The following CAMK2G variants were observed in gnomAD, a reference collection of about 807,000 sequenced individuals.
CAMK2G encodes calcium/calmodulin dependent protein kinase II gamma.
A neutral mutation model predicts 88.7 loss-of-function variants in CAMK2G; 23 were observed. The ratio of observed to expected loss-of-function variants is 0.26; its 90% CI spans 0.19 to 0.37. The LOEUF is 0.37. Among genes scored for constraint, CAMK2G ranks in the 10% least tolerant of loss-of-function variants. The pLI is 1.00. For synonymous variants in CAMK2G, 263 were observed against 294.8 expected (o/e 0.89, Z 1.11); for missense variants, 476 against 780.8 (o/e 0.61, Z 4.65).
Position 73,852,314 on chromosome 10 carries a change from G to A in CAMK2G, c.281C>T (p.Thr94Ile). The stretch of plus-strand genomic sequence containing the variant: ...AATGTCTTCAAACAGCTCCCCGCCG[G>A]TAACACTGCAACCAACGGGAAGAAG... ...GFHYLVFDLV[T>I]GGELFEDIVA... The change falls in exon 5 of 23, where the codon ACC (threonine) becomes ATC (isoleucine). Residue 94 changes from threonine to isoleucine, a missense_variant. Around this residue, in one of 3 missense-constraint regions of CAMK2G, gnomAD observed 164 missense variants for 385.6 expected, o/e 0.43. Transcript: ENST00000423381. The A allele has an allele frequency of 1.9e-6, 3 of 1,613,920 alleles. No individual in the cohort carries two copies. The highest frequency in any genetic ancestry group is 1.7e-4 in the Middle Eastern group (1 of 6,060).
intron 3 of CAMK2G, among the ~76,000 whole-genome samples, chr10:73,858,911 GTGGTCAACCCGCCCA>G (rs767772615): frequency 2.0e-5 from 3 of 152,240 alleles, no homozygotes; most frequent in Admixed American, 6.5e-5. Context: ...CAACCCATCC[GTGGTCAACCCGCCCA>G]TGGTCAACCC....
At chr10:73,857,668 A>C (rs1388108773) in intron 3 of CAMK2G, among the ~76,000 whole-genome samples, 1 of 152,190 alleles carries the variant, frequency 6.6e-6, no homozygotes, top group African/African-American at 2.4e-5. Flanking sequence ...GCTCAGCACG[A>C]AGGAAGACAG....
Position 73,848,530 on chromosome 10 carries a change from G to A in CAMK2G, c.597C>T (p.Ala199=), listed in dbSNP as rs750851279. ...DPYGKPVDIW[A]CGVILYILLV... ...GAGAGCGTGGAATGGGCTTACCGCA[G>A]GCCCAGATATCCACAGGTTTTCCAT... The change falls in exon 8 of 23, where the codon GCC becomes GCT. Residue 199 remains alanine (A), a synonymous_variant. Coordinates refer to ENST00000423381, the MANE Select transcript of CAMK2G (RefSeq NM_001367534.1). The surrounding 1 kb of genome is among the most constrained non-coding windows in gnomAD (Gnocchi z 4.5). 6.2e-7 allele frequency: 1 copy of A among 1,609,150 alleles called. No homozygotes were observed.
intron 10 of CAMK2G, among the ~76,000 whole-genome samples, chr10:73,844,430 C>G (rs1296820932): frequency 6.6e-6 from 1 of 151,626 alleles, no homozygotes; most frequent in Non-Finnish European, 1.5e-5. Flanking sequence ...TCTTTAGAGG[C>G]AGAGTCTCCC....
At chr10:73,856,475 T>C (rs927185245) in intron 3 of CAMK2G, among the ~76,000 whole-genome samples, 1 of 152,178 alleles carries the variant, frequency 6.6e-6, no homozygotes, top group Non-Finnish European at 1.5e-5. Flanking sequence ...ATGCCATGGA[T>C]GTGGCTGTGA....
chr10:73,829,107 C>G (rs1376319805), intron 14 of CAMK2G, among the ~76,000 whole-genome samples: 2 of 152,122 alleles, frequency 1.3e-5, no homozygotes, highest in Non-Finnish European at 2.9e-5. Flanking sequence ...ATAAACTGCT[C>G]CTGCCCTCAA....
rs1335891917 is a variant in CAMK2G, at chr10:73,839,826, C to T, written c.947-225G>A. Among the ~76,000 whole-genome samples the T allele has an allele frequency of 2.6e-5, 4 of 152,174 alleles. No homozygotes were observed. The highest frequency in any genetic ancestry group is 5.9e-5 in the Non-Finnish European group (4 of 68,012). On this transcript the variant is annotated intron_variant, in intron 12 of 22. Transcript: ENST00000423381. The surrounding 1 kb of genome is among the most constrained non-coding windows in gnomAD (Gnocchi z 4.2). ...GGCCAGGGCATAGGGAACACTGCGT[C>T]CCCACCAGATGGAGAGGGCTGCAGT...
chr10:73,870,459 C>T (rs1202551376), intron 2 of CAMK2G, among the ~76,000 whole-genome samples: 3 of 152,184 alleles, frequency 2.0e-5, no homozygotes, highest in Non-Finnish European at 2.9e-5. Flanking sequence ...GACACAACAG[C>T]CCAAAAGAAG....
chr10:73,853,171 C>T (rs766097035), intron 4 of CAMK2G, 21 bp downstream of exon 4: 10 of 1,611,850 alleles, frequency 6.2e-6, no homozygotes, highest in Non-Finnish European at 8.5e-6. Context: ...GGCCCCCACA[C>T]CCTCAGAAAG....
chr10:73,824,694 C>G (rs540966376), intron 16 of CAMK2G, among the ~76,000 whole-genome samples: 3 of 152,212 alleles, frequency 2.0e-5, no homozygotes, highest in Non-Finnish European at 4.4e-5. Context: ...CAGTCACCCC[C>G]CTGCTGACTC....
At chr10:73,817,645 C>T (rs958665034) in intron 19 of CAMK2G, 91 bp from the exon 20 acceptor site, 7 of 833,248 alleles carry the variant, frequency 8.4e-6, no homozygotes, top group South Asian at 1.4e-5. Flanking sequence ...CCCCTGTGAT[C>T]GCTTATGACA....
intron 3 of CAMK2G, among the ~76,000 whole-genome samples, chr10:73,854,104 G>C (rs1286857229): frequency 6.6e-6 from 1 of 152,142 alleles, no homozygotes; most frequent in Non-Finnish European, 1.5e-5. Context: ...AAAGACTGTG[G>C]TCTACACCAC....
intron 3 of CAMK2G, among the ~76,000 whole-genome samples, chr10:73,856,287 C>T (rs1480948367): frequency 6.6e-6 from 1 of 152,146 alleles, no homozygotes; most frequent in East Asian, 1.9e-4. Context: ...GTGGCAGAAC[C>T]GGGACTTGAA....
At chr10:73,836,421 C>T (rs1316145371) in intron 14 of CAMK2G, among the ~76,000 whole-genome samples, 1 of 152,216 alleles carries the variant, frequency 6.6e-6, no homozygotes, top group Non-Finnish European at 1.5e-5. Context: ...CCAACTAAAC[C>T]TGCCCCTTTT....
chr10:73,838,735 G>A (rs566311100), intron 13 of CAMK2G, among the ~76,000 whole-genome samples: 2 of 152,240 alleles, frequency 1.3e-5, no homozygotes, highest in South Asian at 2.1e-4. Context: ...GTGCCTGACC[G>A]CCTACTGTCT....
At chr10:73,850,576 G>T (rs1432546809) in intron 5 of CAMK2G, among the ~76,000 whole-genome samples, 5 of 152,254 alleles carry the variant, frequency 3.3e-5, no homozygotes, top group South Asian at 4.1e-4. Context: ...CAACAAGGAA[G>T]TACCTGGCCT....
At chr10:73,816,226 C>A in intron 21 of CAMK2G, 3 of 987,532 alleles carry the variant, frequency 3.0e-6, no homozygotes, top group Non-Finnish European at 3.6e-6. Flanking sequence ...GAATGTACAC[C>A]CCACCCCCTA....
chr10:73,824,136 C>G (rs2090114667), intron 16 of CAMK2G, 52 bp from the exon 17 acceptor site: 1 of 1,459,962 alleles, frequency 6.8e-7, no homozygotes, highest in African/African-American at 1.4e-5. Context: ...GACTATGGCT[C>G]TTCCCTGAGG....
chr10:73,858,868 A>G (rs1467821327), intron 3 of CAMK2G, among the ~76,000 whole-genome samples: 3 of 152,072 alleles, frequency 2.0e-5, no homozygotes, highest in Non-Finnish European at 4.4e-5. Flanking sequence ...TCATTTCTCA[A>G]TTGTCTTCAT....
Sources: gnomAD v4.1 joint callset for allele counts (sites outside exome capture counted in the v4.1 genomes callset) on GRCh38, gnomAD v4.1.1 for gene constraint, gnomAD v4.1.1 regional missense constraint, Gnocchi (gnomAD v3.1) non-coding constraint, MANE v1.5 for transcripts, NCBI Gene and HGNC (gene_info 2026-07-23, HGNC 2026-07-21) for gene names.